Variants in PAX5 observed in about 807,000 individuals in gnomAD.
PAX5 encodes paired box 5, also known as paired box protein Pax-5.
In PAX5, 9 loss-of-function variants were observed where a neutral mutation model predicts 43.7. That is an observed-to-expected ratio of 0.21 (90% CI 0.12 to 0.36). The LOEUF (loss-of-function observed/expected upper bound fraction) is 0.36. PAX5 is among the 10% of genes least tolerant of loss of function. PAX5 has a pLI of 1.00. For synonymous variants in PAX5, 228 were observed against 214.3 expected (o/e 1.06, Z -0.56); for missense variants, 383 against 532.7 (o/e 0.72, Z 2.77).
At chr9:37,032,260 C>T (rs976547624) in intron 1 of PAX5, among the ~76,000 whole-genome samples, 4 of 152,130 alleles carry the variant, frequency 2.6e-5, no homozygotes, top group Non-Finnish European at 4.4e-5. Flanking sequence ...GCCCATCGAC[C>T]GCCATGAATT....
At chr9:36,978,798 T>G (rs1208965123) in intron 5 of PAX5, among the ~76,000 whole-genome samples, 1 of 152,170 alleles carries the variant, frequency 6.6e-6, no homozygotes, top group Non-Finnish European at 1.5e-5. Flanking sequence ...GGAGAAGATA[T>G]CAGGCCATTT....
At chr9:36,879,487 G>A (rs1587849395) in intron 8 of PAX5, among the ~76,000 whole-genome samples, 1 of 152,314 alleles carries the variant, frequency 6.6e-6, no homozygotes, top group East Asian at 1.9e-4. Flanking sequence ...TCACAGATAA[G>A]CTGGAGTTGA....
intron 6 of PAX5, among the ~76,000 whole-genome samples, chr9:36,952,234 CT>C (rs138009049): frequency 0.16 from 10,313 of 65,152 alleles, 123 homozygotes; most frequent in African/African-American, 0.19. Context: ...GACCATCTCC[CT>C]TTTTTTTTTT....
intron 7 of PAX5, among the ~76,000 whole-genome samples, chr9:36,912,518 T>G (rs1417549342): frequency 6.6e-6 from 1 of 152,240 alleles, no homozygotes; most frequent in East Asian, 1.9e-4. Flanking sequence ...AACTGGGATT[T>G]TTTTAGTCCA....
chr9:36,906,258 C>T (rs995011301), intron 7 of PAX5, among the ~76,000 whole-genome samples: 2 of 152,086 alleles, frequency 1.3e-5, no homozygotes, highest in Non-Finnish European at 2.9e-5. Flanking sequence ...GAGGTATTTG[C>T]GATGTGGAGA....
intron 6 of PAX5, among the ~76,000 whole-genome samples, chr9:36,960,446 G>A (rs1833867316): frequency 6.6e-6 from 1 of 152,150 alleles, no homozygotes; most frequent in Admixed American, 6.5e-5. Context: ...GGTCTTGTGA[G>A]CAAGCAGAGG....
chr9:37,022,674 T>A (rs2132512504), intron 1 of PAX5, among the ~76,000 whole-genome samples: 1 of 152,318 alleles, frequency 6.6e-6, no homozygotes, highest in Non-Finnish European at 1.5e-5. Context: ...AAAGCAGTCC[T>A]GCAGGACATT....
chr9:36,980,646 C>T (rs571520154), intron 5 of PAX5, among the ~76,000 whole-genome samples: 1 of 152,226 alleles, frequency 6.6e-6, no homozygotes, highest in Non-Finnish European at 1.5e-5. Context: ...AATCTGGCCA[C>T]AGTGTAGAGA....
intron 6 of PAX5, among the ~76,000 whole-genome samples, chr9:36,946,439 A>C (rs114652426): frequency 0.02 from 3,087 of 152,218 alleles, 88 homozygotes; most frequent in African/African-American, 0.071. Flanking sequence ...ATTCCCCACA[A>C]CCAGCCAAAA....
intron 9 of PAX5, among the ~76,000 whole-genome samples, chr9:36,841,150 A>G (rs574363672): frequency 6.6e-6 from 1 of 152,330 alleles, no homozygotes; most frequent in Admixed American, 6.5e-5. Flanking sequence ...GCATCTCTGA[A>G]TTCATTTCCC....
intron 8 of PAX5, among the ~76,000 whole-genome samples, chr9:36,855,268 A>G (rs563085809): frequency 1.3e-5 from 2 of 152,366 alleles, no homozygotes; most frequent in South Asian, 4.1e-4. Context: ...AGGGGCAAGT[A>G]TCAGTAGCCA....
At chr9:36,916,286 A>T (rs927534927) in intron 7 of PAX5, among the ~76,000 whole-genome samples, 8 of 152,072 alleles carry the variant, frequency 5.3e-5, no homozygotes, top group African/African-American at 1.9e-4. Flanking sequence ...CTATTTCTGA[A>T]TTTTCTATGC....
At chr9:36,977,801 A>G (rs7043127) in intron 5 of PAX5, among the ~76,000 whole-genome samples, 115,155 of 152,192 alleles carry the variant, frequency 0.76, 43,691 homozygotes, top group South Asian at 0.89. Flanking sequence ...GCCTTACCCT[A>G]AGTCTTAAGG....
At chr9:36,867,341 G>A (rs1432704358) in intron 8 of PAX5, among the ~76,000 whole-genome samples, 1 of 152,182 alleles carries the variant, frequency 6.6e-6, no homozygotes, top group Non-Finnish European at 1.5e-5. Flanking sequence ...CACAATGAAA[G>A]CAATTTCTGG....
intron 5 of PAX5, among the ~76,000 whole-genome samples, chr9:36,981,326 A>G (rs1835912772): frequency 6.7e-6 from 1 of 148,732 alleles, no homozygotes; most frequent in Non-Finnish European, 1.5e-5. Context: ...GTGGGCAAAC[A>G]TTTTTGTCTG....
chr9:36,860,103 C>A (rs548451755), intron 8 of PAX5, among the ~76,000 whole-genome samples: 1 of 151,448 alleles, frequency 6.6e-6, no homozygotes, highest in Non-Finnish European at 1.5e-5. Flanking sequence ...TTCTGGGAGG[C>A]TGAGGCGGGT....
chr9:36,866,637 G>A (rs1053632818), intron 8 of PAX5, among the ~76,000 whole-genome samples: 6 of 152,172 alleles, frequency 3.9e-5, no homozygotes, highest in Admixed American at 6.5e-5. Context: ...AAGGACAGGA[G>A]ACAAAATAGC....
chr9:36,957,073 G>A (rs1009697305), intron 6 of PAX5, among the ~76,000 whole-genome samples: 5 of 152,168 alleles, frequency 3.3e-5, no homozygotes, highest in Non-Finnish European at 5.9e-5. Context: ...TCACTTATCC[G>A]ACTGGTCAGA....
intron 8 of PAX5, among the ~76,000 whole-genome samples, chr9:36,880,840 G>A (rs934475671): frequency 6.6e-6 from 1 of 152,176 alleles, no homozygotes; most frequent in Non-Finnish European, 1.5e-5. Flanking sequence ...TGCCTCCCAT[G>A]GTGCTGGGAT....
Sources: allele counts gnomAD v4.1 joint callset (sites outside exome capture counted in the v4.1 genomes callset), GRCh38; gene constraint gnomAD v4.1.1; transcripts MANE v1.5; gene names NCBI Gene and HGNC (gene_info 2026-07-23, HGNC 2026-07-21).